The following CSNK1D variants were observed in gnomAD, a reference collection of about 807,000 sequenced individuals.
The protein encoded by CSNK1D is casein kinase I isoform delta.
A neutral mutation model predicts 46.6 loss-of-function variants in CSNK1D; 16 were observed. The observed-to-expected ratio is 0.34, with a 90% confidence interval of 0.23 to 0.52. The LOEUF (loss-of-function observed/expected upper bound fraction) is 0.52. Among genes scored for constraint, CSNK1D ranks in the 20% least tolerant of loss-of-function variants. The pLI, the probability that CSNK1D is intolerant of heterozygous loss-of-function variation, is 0.95. For missense variants in CSNK1D, 398 were observed against 578.4 expected (o/e 0.69, Z 3.20); for synonymous variants, 276 against 228.2 (o/e 1.21, Z -1.89).
chr17:82,251,081 G>A lies in CSNK1D; in HGVS notation c.885+298C>T, dbSNP rs950838806. 2.3e-6 allele frequency: 1 copy of A among 429,692 alleles called. No homozygotes were observed. The highest frequency in any genetic ancestry group is 2.1e-5 in the South Asian group (1 of 47,534). The allele number at this position is 429,692 out of a possible 1,614,324, so 26.6% of individuals were successfully genotyped here. A position where few individuals can be genotyped will look rare whatever the true frequency, so the allele number is the denominator to read the frequency against. On this transcript the variant is annotated intron_variant, in intron 6 of 8. Transcript: ENST00000314028. This position sits in a 1 kb window ranked among gnomAD's most constrained non-coding sequence, Gnocchi z 4.5. ...CCCCAGCCCCCACCCTCTGCCCCCA[G>A]GGCATGCTCTGGGCCCTAGCTCCGC...
At chr17:82,258,766 A>G (rs1348512610) in intron 2 of CSNK1D, among the ~76,000 whole-genome samples, 2 of 152,198 alleles carry the variant, frequency 1.3e-5, no homozygotes, top group African/African-American at 4.8e-5. Context: ...CTGCTTCTCC[A>G]AGCACTCAGG....
At chr17:82,260,312 G>A (rs1385030397) in intron 2 of CSNK1D, among the ~76,000 whole-genome samples, 1 of 138,032 alleles carries the variant, frequency 7.2e-6, no homozygotes, top group African/African-American at 2.5e-5. Context: ...TTGACTGATG[G>A]TGTACTGAGT....
chr17:82,267,807 C>T (rs767645936), intron 1 of CSNK1D, among the ~76,000 whole-genome samples: 18 of 152,256 alleles, frequency 1.2e-4, no homozygotes, highest in African/African-American at 1.9e-4. Flanking sequence ...CAGCCTCGGA[C>T]AGTACCGCCA....
chr17:82,252,939 G>A lies in CSNK1D; in HGVS notation c.565+77C>T. ...GCTTGCAGCCCCAGCTCCCCGAGAG[G>A]CTGGCCTCTCCCTGGGCTGAGGCAT... On this transcript the variant is annotated intron_variant, in intron 4 of 8. Coordinates refer to ENST00000314028, the MANE Select transcript of CSNK1D (RefSeq NM_001893.6). This position sits in a 1 kb window ranked among gnomAD's most constrained non-coding sequence, Gnocchi z 4.6. The A allele has an allele frequency of 7.4e-7, 1 of 1,344,394 alleles. No homozygotes were observed. The highest frequency in any genetic ancestry group is 1.2e-5 in the South Asian group (1 of 83,634). 83.3% of individuals were successfully genotyped at this position (1,344,394 alleles called of 1,614,324 possible). A position where few individuals can be genotyped will look rare whatever the true frequency, so the allele number is the denominator to read the frequency against.
rs776116148 is a variant in CSNK1D, at chr17:82,251,305, C to T, written c.885+74G>A. The stretch of plus-strand genomic sequence containing the variant: ...TATATGGTACAGCCCCTCAACAAGA[C>T]GGCCGCCGGCCTCTCACTGACAAGC... On this transcript the variant is annotated intron_variant, in intron 6 of 8. Transcript: ENST00000314028. The surrounding 1 kb of genome is among the most constrained non-coding windows in gnomAD (Gnocchi z 4.5). 52 of 1,570,942 alleles carry T rather than the reference C, an allele frequency of 3.3e-5. No homozygotes were observed. The highest frequency in any genetic ancestry group is 8.4e-5 in the Admixed American group (5 of 59,424).
At position 82,273,562 on chromosome 17, in the gene CSNK1D, A is replaced by T; in HGVS notation, c.-181T>A. 1.4e-6 allele frequency: 1 copy of T among 726,184 alleles called. No homozygotes were observed. The highest frequency in any genetic ancestry group is 2.2e-6 in the Non-Finnish European group (1 of 450,840). 45.0% of individuals were successfully genotyped at this position (726,184 alleles called of 1,614,324 possible). A position where few individuals can be genotyped will look rare whatever the true frequency, so the allele number is the denominator to read the frequency against. On this transcript the variant is annotated 5_prime_UTR_variant, in exon 1 of 9. Coordinates refer to ENST00000314028, the MANE Select transcript of CSNK1D (RefSeq NM_001893.6). The surrounding 1 kb of genome is among the most constrained non-coding windows in gnomAD (Gnocchi z 5.1). ...CTCCCAGCGCCTCAATACGGGGCGG[A>T]TGGGACAGTCCGAGCGCCGCCGCCG...
intron 2 of CSNK1D, among the ~76,000 whole-genome samples, chr17:82,264,516 G>A (rs1167927407): frequency 6.6e-6 from 1 of 152,214 alleles, no homozygotes. Context: ...TAAGGCCCTG[G>A]GCTGAGGGCT....
Position 82,249,165 on chromosome 17 carries a change from G to A in CSNK1D, c.1058-151C>T. Reference sequence around the variant, plus strand: ...CGATGGCCACCAACACTCAGATCCGGCCGGAGGGACACAAAGGGACATGGG... The same window carrying A: ...CGATGGCCACCAACACTCAGATCCGACCGGAGGGACACAAAGGGACATGGG... On this transcript the variant is annotated intron_variant, in intron 7 of 8. Transcript: ENST00000314028. The surrounding 1 kb of genome is among the most constrained non-coding windows in gnomAD (Gnocchi z 6.7). 2.0e-6 allele frequency: 2 copies of A among 1,009,998 alleles called. No individual in the cohort carries two copies. The highest frequency in any genetic ancestry group is 2.9e-6 in the Non-Finnish European group (2 of 699,224). The allele number at this position is 1,009,998 out of a possible 1,614,324, so 62.6% of individuals were successfully genotyped here.
chr17:82,242,723 C>G lies in CSNK1D; in HGVS notation c.*2058G>C. The G allele has an allele frequency of 3.0e-6, 3 of 985,468 alleles. No homozygotes were observed. Among genetic ancestry groups the G allele is most frequent in the Non-Finnish European group, 3.6e-6 (3 of 829,928 alleles). The allele number at this position is 985,468 out of a possible 1,614,324, so 61.0% of individuals were successfully genotyped here. A position where few individuals can be genotyped will look rare whatever the true frequency, so the allele number is the denominator to read the frequency against. On this transcript the variant is annotated 3_prime_UTR_variant, in exon 9 of 9. Transcript: ENST00000314028. ...ACACGATTGTTAAAGTACACAAATA[C>G]AGTGGCGATACAAACGCACAGCTCG... is the stretch of plus-strand genomic sequence containing the variant.
Position 82,252,943 on chromosome 17 carries a change from G to A in CSNK1D, c.565+73C>T. 2.2e-6 allele frequency: 3 copies of A among 1,375,606 alleles called. No homozygotes were observed. Among genetic ancestry groups the A allele is most frequent in the Non-Finnish European group, 2.1e-6 (2 of 972,410 alleles). The allele number at this position is 1,375,606 out of a possible 1,614,324, so 85.2% of individuals were successfully genotyped here. A position where few individuals can be genotyped will look rare whatever the true frequency, so the allele number is the denominator to read the frequency against. On this transcript the variant is annotated intron_variant, in intron 4 of 8. Transcript: ENST00000314028. The surrounding 1 kb of genome is among the most constrained non-coding windows in gnomAD (Gnocchi z 4.6). ...GCAGCCCCAGCTCCCCGAGAGGCTGGCCTCTCCCTGGGCTGAGGCATGGAC... is the reference window on the plus strand; with the variant it reads ...GCAGCCCCAGCTCCCCGAGAGGCTGACCTCTCCCTGGGCTGAGGCATGGAC...
chr17:82,273,312 A>G lies in CSNK1D; in HGVS notation c.70T>C (p.Tyr24His). The change falls in exon 1 of 9, where the codon TAT (tyrosine) becomes CAT (histidine). Residue 24 changes from tyrosine (Y) to histidine (H), a missense_variant. This residue lies in a region of CSNK1D where 217 missense variants were observed against 370.3 expected (regional missense o/e 0.59). Coordinates refer to ENST00000314028, the MANE Select transcript of CSNK1D (RefSeq NM_001893.6). This position sits in a 1 kb window ranked among gnomAD's most constrained non-coding sequence, Gnocchi z 5.1. ...GGGGGCGGCGGGGCCTCACCGAGAT[A>G]GATGTCTCCGAAGGAGCCGCTGCCG... is the stretch of plus-strand genomic sequence containing the variant. ...KIGSGSFGDI[Y>H]LGTDIAAGEE... 8 of 1,606,606 alleles carry G rather than the reference A, an allele frequency of 5.0e-6. No homozygotes were observed. Among genetic ancestry groups the G allele is most frequent in the Non-Finnish European group, 6.8e-6 (8 of 1,178,440 alleles).
Position 82,255,533 on chromosome 17 carries a change from T to C in CSNK1D, c.232A>G (p.Asn78Asp). ...CCCAGCAGCTCCATCACCATGACGT[T>C]GTAGTCCCCCTCTGCCCCGCACCAT... ...IRWCGAEGDY[N>D]VMVMELLGPS... Residue 78 changes from asparagine (N) to aspartate (D), a missense_variant, in exon 3 of 9, where the codon AAC becomes GAC. Asn to Asp is a conservative substitution (Grantham distance 23, BLOSUM62 1). Around this residue, in one of 2 missense-constraint regions of CSNK1D, gnomAD observed 217 missense variants for 370.3 expected, o/e 0.59. Coordinates refer to ENST00000314028, the MANE Select transcript of CSNK1D (RefSeq NM_001893.6). The surrounding 1 kb of genome is among the most constrained non-coding windows in gnomAD (Gnocchi z 5.9). The C allele has an allele frequency of 6.2e-7, 1 of 1,613,976 alleles. No individual in the cohort carries two copies. Among genetic ancestry groups the C allele is most frequent in the Non-Finnish European group, 8.5e-7 (1 of 1,179,988 alleles).
At chr17:82,245,750 TG>T (rs2050834051) in intron 8 of CSNK1D, among the ~76,000 whole-genome samples, 1 of 152,180 alleles carries the variant, frequency 6.6e-6, no homozygotes, top group Non-Finnish European at 1.5e-5. Flanking sequence ...GATGGTCTCC[TG>T]GGGTCACTCT....
At chr17:82,242,210 T>C (rs867955672), downstream of CSNK1D, among the ~76,000 whole-genome samples, 392 of 120,162 alleles carry the variant, frequency 3.3e-3, 3 homozygotes, top group African/African-American at 0.013. Context: ...TGCTGTGTGC[T>C]CTGGGGGGGG....
intron 8 of CSNK1D, 151 bp from the exon 9 acceptor site, chr17:82,244,982 C>T (rs1471574911): frequency 2.3e-5 from 22 of 957,334 alleles, no homozygotes; most frequent in Non-Finnish European, 3.6e-5. Flanking sequence ...CGCACAGGGG[C>T]CTCTGTGGCT....
At position 82,244,392 on chromosome 17, in the gene CSNK1D, T is replaced by C; in HGVS notation, c.*389A>G. ...TTTACACAGATTTAAGCCAATAATTTTTAGCAAAATGATACAAAACTGTCT... is the reference window on the plus strand; with the variant it reads ...TTTACACAGATTTAAGCCAATAATTCTTAGCAAAATGATACAAAACTGTCT... On this transcript the variant is annotated 3_prime_UTR_variant, in exon 9 of 9. Coordinates refer to ENST00000314028, the MANE Select transcript of CSNK1D (RefSeq NM_001893.6). The C allele has an allele frequency of 8.7e-7, 1 of 1,148,320 alleles. No individual in the cohort carries two copies. The highest frequency in any genetic ancestry group is 2.2e-5 in the South Asian group (1 of 45,698). 71.1% of individuals were successfully genotyped at this position (1,148,320 alleles called of 1,614,324 possible).
chr17:82,248,298 C>T lies in CSNK1D; in HGVS notation c.1197+577G>A. On this transcript the variant is annotated intron_variant, in intron 8 of 8. Transcript: ENST00000314028. The surrounding 1 kb of genome is among the most constrained non-coding windows in gnomAD (Gnocchi z 4.1). ...AGAGCGAGGAGAGGAGAGACCGCTG[C>T]AGGATGCTGAAGAGGCGGTGGCCGT... 2.0e-6 allele frequency: 2 copies of T among 988,182 alleles called. No individual in the cohort carries two copies. Among genetic ancestry groups the T allele is most frequent in the East Asian group, 1.1e-4 (1 of 8,836 alleles). The allele number at this position is 988,182 out of a possible 1,614,324, so 61.2% of individuals were successfully genotyped here.
At chr17:82,241,622 G>T (rs770679198), downstream of CSNK1D, among the ~76,000 whole-genome samples, 1 of 152,260 alleles carries the variant, frequency 6.6e-6, no homozygotes, top group Non-Finnish European at 1.5e-5. Context: ...GGGCCGGTGA[G>T]CGGGGCAGGG....
intron 8 of CSNK1D, chr17:82,246,447 G>A: frequency 8.7e-7 from 1 of 1,148,808 alleles, no homozygotes; most frequent in Non-Finnish European, 1.1e-6. Context: ...GGCAGGAGTT[G>A]ATCAAAGCGA....
Sources: allele counts gnomAD v4.1 joint callset (sites outside exome capture counted in the v4.1 genomes callset), GRCh38; gene constraint gnomAD v4.1.1; regional missense constraint gnomAD v4.1.1; non-coding constraint Gnocchi (gnomAD v3.1); transcripts MANE v1.5; gene names NCBI Gene and HGNC (gene_info 2026-07-23, HGNC 2026-07-21).